The following PREX2 variants were observed in gnomAD, a reference collection of about 807,000 sequenced individuals.
The protein encoded by PREX2 is phosphatidylinositol-3,4,5-trisphosphate dependent Rac exchange factor 2.
PREX2 carries 107 observed loss-of-function variants against 203.2 expected under a neutral mutation model. That is an observed-to-expected ratio of 0.53 (90% CI 0.45 to 0.62). The LOEUF (loss-of-function observed/expected upper bound fraction) is 0.62. Ranked by LOEUF, PREX2 falls within the 20% of genes least tolerant of loss-of-function variation. The pLI, the probability that PREX2 is intolerant of heterozygous loss-of-function variation, is 0.00. For missense variants in PREX2, 1,777 were observed against 1,955.9 expected (o/e 0.91, Z 1.72); for synonymous variants, 672 against 663.6 (o/e 1.01, Z -0.19).
At chr8:68,124,704 A>G (rs1422873450) in intron 30 of PREX2, among the ~76,000 whole-genome samples, 1 of 152,170 alleles carries the variant, frequency 6.6e-6, no homozygotes, top group East Asian at 1.9e-4. Flanking sequence ...TACTCATTTT[A>G]AGAATCTTAC....
In PREX2 at chr8:68,032,820, G is replaced by A. The variant is rs990157382; in HGVS notation, c.705+2162G>A. On this transcript the variant is annotated intron_variant, in intron 6 of 39. Coordinates refer to ENST00000288368, the MANE Select transcript of PREX2 (RefSeq NM_024870.4). ...CAGGGAGAAGTTCAGACGTAGGGTG[G>A]CATGACAGTTACAGAATGCAGAGTT... is the stretch of plus-strand genomic sequence containing the variant. Among the ~76,000 whole-genome samples, 19 of 152,226 alleles carry A rather than the reference G, an allele frequency of 1.2e-4. No individual in the cohort carries two copies. In the East Asian group the frequency reaches 3.1e-3, roughly 25 times the overall value.
chr8:68,098,927 CAT>C (rs1810167845), intron 22 of PREX2, among the ~76,000 whole-genome samples: 2 of 106,564 alleles, frequency 1.9e-5, no homozygotes, highest in African/African-American at 4.0e-5. Context: ...AGAAATGCTA[CAT>C]ATATATGTGT....
Position 68,071,932 on chromosome 8 carries a change from G to T in PREX2, c.1494-563G>T, listed in dbSNP as rs562564842. 4.6e-5 allele frequency among the ~76,000 whole-genome samples: 7 copies of T among 152,122 alleles called. No homozygotes were observed. The South Asian group carries it at 1.5e-3, about 32-fold the overall frequency. ...TACTCTACAGATTTTGAGATTTTTA[G>T]TATAATCTATTGTGATTTAAAGAGA... On this transcript the variant is annotated intron_variant, in intron 13 of 39. Coordinates refer to ENST00000288368, the MANE Select transcript of PREX2 (RefSeq NM_024870.4).
chr8:68,067,368 C>G (rs1181005985), intron 11 of PREX2, among the ~76,000 whole-genome samples: 1 of 151,904 alleles, frequency 6.6e-6, no homozygotes, highest in Admixed American at 6.6e-5. Context: ...GATTTCTTAC[C>G]ATTTATTTGT....
rs1418015332 is a variant in PREX2, at chr8:68,232,780, G to C, written c.*1402G>C. The C allele has an allele frequency of 6.6e-6, 1 of 152,108 alleles. No homozygotes were observed. The highest frequency in any genetic ancestry group is 1.5e-5 in the Non-Finnish European group (1 of 68,034). 9.4% of individuals were successfully genotyped at this position (152,108 alleles called of 1,614,324 possible). On this transcript the variant is annotated 3_prime_UTR_variant, in exon 40 of 40. Transcript: ENST00000288368. Reference sequence around the variant, plus strand: ...CTACAGGTGTGCACCACCATGCTCAGCTAATTTTTGTATTTTTAGTAGAGA... The same window carrying C: ...CTACAGGTGTGCACCACCATGCTCACCTAATTTTTGTATTTTTAGTAGAGA...
At chr8:68,181,567 A>G (rs1174514294) in intron 35 of PREX2, among the ~76,000 whole-genome samples, 1 of 152,088 alleles carries the variant, frequency 6.6e-6, no homozygotes, top group Non-Finnish European at 1.5e-5. Flanking sequence ...TCCTATTATA[A>G]CTACAATTTA....
rs553988088 is a variant in PREX2, at chr8:68,235,878, G to C, written c.*4500G>C. 6.6e-6 allele frequency: 1 copy of C among 152,224 alleles called. No individual in the cohort carries two copies. Among genetic ancestry groups the C allele is most frequent in the African/African-American group, 2.4e-5 (1 of 41,556 alleles). The allele number at this position is 152,224 out of a possible 1,614,324, so 9.4% of individuals were successfully genotyped here. ...TAAAGTGTGGTCTGTGCATCATTGA[G>C]CAATTGTTATGTAGACACAAGGCCT... On this transcript the variant is annotated 3_prime_UTR_variant, in exon 40 of 40. Coordinates refer to ENST00000288368, the MANE Select transcript of PREX2 (RefSeq NM_024870.4).
At position 68,108,149 on chromosome 8, in the gene PREX2, A is replaced by T; in HGVS notation, c.2756A>T (p.Lys919Ile). 6.2e-7 allele frequency: 1 copy of T among 1,613,912 alleles called. No individual in the cohort carries two copies. Among genetic ancestry groups the T allele is most frequent in the Non-Finnish European group, 8.5e-7 (1 of 1,179,902 alleles). Reference protein sequence around the residue: ...VLKNRAWPTFKQAKSKISPLH... With the variant: ...VLKNRAWPTFIQAKSKISPLH... Reference sequence around the variant, plus strand: ...AAGAATAGGGCCTGGCCTACTTTTAAACAGGCCAAATCTAAAATCTCCCCA... The same window carrying T: ...AAGAATAGGGCCTGGCCTACTTTTATACAGGCCAAATCTAAAATCTCCCCA... The change falls in exon 24 of 40, where the codon AAA (lysine) becomes ATA (isoleucine). Residue 919 changes from lysine to isoleucine, a missense_variant. Coordinates refer to ENST00000288368, the MANE Select transcript of PREX2 (RefSeq NM_024870.4).
chr8:68,177,754 T>C (rs187962711), intron 35 of PREX2, among the ~76,000 whole-genome samples: 16 of 152,268 alleles, frequency 1.1e-4, no homozygotes, highest in African/African-American at 1.2e-4. Context: ...AAGCCCAGGA[T>C]CCATTAGCTA....
chr8:68,136,796 T>A (rs778634640), intron 32 of PREX2, among the ~76,000 whole-genome samples: 11 of 152,194 alleles, frequency 7.2e-5, no homozygotes, highest in Non-Finnish European at 1.3e-4. Context: ...GCTGCCCTCC[T>A]TTGGGGTCTG....
intron 11 of PREX2, among the ~76,000 whole-genome samples, chr8:68,064,085 G>A (rs1376842970): frequency 6.6e-6 from 1 of 152,128 alleles, no homozygotes; most frequent in African/African-American, 2.4e-5. Context: ...AGGAACTCTA[G>A]GTTGAGAGAA....
At chr8:67,985,056 G>C (rs1354452381) in intron 1 of PREX2, among the ~76,000 whole-genome samples, 1 of 151,870 alleles carries the variant, frequency 6.6e-6, no homozygotes, top group African/African-American at 2.4e-5. Context: ...AGTGACCAGA[G>C]CAACATGACA....
intron 1 of PREX2, among the ~76,000 whole-genome samples, chr8:67,960,521 G>A (rs1805605980): frequency 6.6e-6 from 1 of 152,070 alleles, no homozygotes; most frequent in African/African-American, 2.4e-5. Flanking sequence ...ATAGAAGAAG[G>A]TTCTGAGAAC....
chr8:68,152,242 C>T (rs548609955), intron 34 of PREX2, among the ~76,000 whole-genome samples: 184 of 136,002 alleles, frequency 1.4e-3, no homozygotes, highest in Middle Eastern at 8.5e-3. Context: ...GTCGAGATCA[C>T]GCCACTGCAC....
At position 68,236,207 on chromosome 8, in the gene PREX2, A is replaced by G. The variant is rs939809186; in HGVS notation, c.*4829A>G. ...TTGCTGTTCAATCTGGAATCAACTGACCTGGCTCTGCCATTGAGAAATAAC... is the reference window on the plus strand; with the variant it reads ...TTGCTGTTCAATCTGGAATCAACTGGCCTGGCTCTGCCATTGAGAAATAAC... On this transcript the variant is annotated 3_prime_UTR_variant, in exon 40 of 40. Transcript: ENST00000288368. 1 of 152,142 alleles carries G rather than the reference A, an allele frequency of 6.6e-6. No homozygotes were observed. Among genetic ancestry groups the G allele is most frequent in the Non-Finnish European group, 1.5e-5 (1 of 68,028 alleles). 9.4% of individuals were successfully genotyped at this position (152,142 alleles called of 1,614,324 possible).
Position 68,103,727 on chromosome 8 carries a change from A to T in PREX2, c.2715+3884A>T, listed in dbSNP as rs556752123. The T allele has an allele frequency of 1.2e-4, 61 of 519,526 alleles. No individual in the cohort carries two copies. In the East Asian group the frequency reaches 3.1e-3, roughly 26 times the overall value. 32.2% of individuals were successfully genotyped at this position (519,526 alleles called of 1,614,324 possible). A position where few individuals can be genotyped will look rare whatever the true frequency, so the allele number is the denominator to read the frequency against. On this transcript the variant is annotated intron_variant, in intron 23 of 39. Transcript: ENST00000288368. ...GTCTTAGTGGGATCTGATGCAGTTG[A>T]CCGTAAACCTCTACTTGGTGGTTCT...
intron 1 of PREX2, among the ~76,000 whole-genome samples, chr8:67,988,973 A>G (rs1806518002): frequency 6.6e-6 from 1 of 152,214 alleles, no homozygotes; most frequent in African/African-American, 2.4e-5. Flanking sequence ...AAAGCAAACC[A>G]AGCACGTGTA....
chr8:67,967,151 C>A (rs576002716), intron 1 of PREX2, among the ~76,000 whole-genome samples: 2 of 152,126 alleles, frequency 1.3e-5, no homozygotes, highest in Non-Finnish European at 2.9e-5. Context: ...CCTTAACAGG[C>A]AATATCCAGG....
intron 37 of PREX2, among the ~76,000 whole-genome samples, chr8:68,202,276 ACACAGGAAATCCTGTGCT>A (rs1456953829): frequency 6.6e-6 from 1 of 152,074 alleles, no homozygotes; most frequent in Non-Finnish European, 1.5e-5. Flanking sequence ...TGGCTGGAGG[ACACAGGAAATCCTGTGCT>A]CTTGCTGGGT....
Sources: gnomAD v4.1 joint callset for allele counts (sites outside exome capture counted in the v4.1 genomes callset) on GRCh38, gnomAD v4.1.1 for gene constraint, MANE v1.5 for transcripts, NCBI Gene and HGNC (gene_info 2026-07-23, HGNC 2026-07-21) for gene names.